The following ADI1 variants were observed in gnomAD, a reference collection of about 807,000 sequenced individuals.
The protein encoded by ADI1 is acireductone dioxygenase.
In ADI1, 21 loss-of-function variants were observed where a neutral mutation model predicts 18.7. That is an observed-to-expected ratio of 1.13 (90% CI 0.80 to 1.62). ADI1 has a LOEUF of 1.62. Ranked by LOEUF, ADI1 falls within the 40% of genes most tolerant of loss-of-function variation. ADI1 has a pLI of 0.00. For synonymous variants in ADI1, 90 were observed against 100.1 expected, an observed-to-expected ratio of 0.90 and a Z score of 0.60; for missense variants, 245 against 254.9, an observed-to-expected ratio of 0.96 and a Z score of 0.26.
chr2:3,519,196 C>T, intron 1 of ADI1, 172 bp downstream of exon 1: 2 of 1,013,392 alleles, frequency 2.0e-6, no homozygotes, highest in Non-Finnish European at 2.6e-6. Context: ...TGAGCATGCG[C>T]AGCCCACCCC....
In ADI1 at chr2:3,500,762, G is replaced by A. The variant is rs111598797; in HGVS notation, c.420+52C>T. 195 of 1,610,538 alleles carry A rather than the reference G, an allele frequency of 1.2e-4. No homozygotes were observed. The African/African-American group carries it at 2.0e-3, about 17-fold the overall frequency. On this transcript the variant is annotated intron_variant, in intron 3 of 3. Coordinates refer to ENST00000327435, the MANE Select transcript of ADI1 (RefSeq NM_018269.4). ...CGCAGTTCAGCGGCAGAGATGCCACGGCCAGGGCCACCACACAGGCCGGGC... is the reference window on the plus strand; with the variant it reads ...CGCAGTTCAGCGGCAGAGATGCCACAGCCAGGGCCACCACACAGGCCGGGC...
At chr2:3,508,014 C>G (rs1430055048) in intron 2 of ADI1, among the ~76,000 whole-genome samples, 9 of 151,478 alleles carry the variant, frequency 5.9e-5, no homozygotes, top group Non-Finnish European at 8.8e-5. Flanking sequence ...TAAAACCAGA[C>G]AAGGCAGAAA....
At chr2:3,503,193 A>G (rs1667065996) in intron 2 of ADI1, among the ~76,000 whole-genome samples, 3 of 150,764 alleles carry the variant, frequency 2.0e-5, no homozygotes, top group African/African-American at 7.4e-5. Context: ...ATGCACACAT[A>G]CATGCATGCA....
intron 2 of ADI1, among the ~76,000 whole-genome samples, chr2:3,507,691 C>G (rs2103208042): frequency 6.6e-6 from 1 of 152,294 alleles, no homozygotes; most frequent in South Asian, 2.1e-4. Context: ...TTATATAGGT[C>G]TGAATCTCAG....
rs1474302831 is a variant in ADI1 at position 3,500,991 on chromosome 2, A to C, written c.243T>G (p.Ile81Met). The C allele has an allele frequency of 5.6e-6, 9 of 1,598,878 alleles. No individual in the cohort carries two copies. The highest frequency in any genetic ancestry group is 7.7e-6 in the Non-Finnish European group (9 of 1,171,418). Reference protein sequence around the residue: ...KDKLPNYEEKIKMFYEEHLHL... With the variant: ...KDKLPNYEEKMKMFYEEHLHL... ...GCAAATGCTCCTCGTAGAACATCTTAATCTAGTGCAGAAGGAACATTCCTG... is the reference window on the plus strand; with the variant it reads ...GCAAATGCTCCTCGTAGAACATCTTCATCTAGTGCAGAAGGAACATTCCTG... Residue 81 changes from isoleucine (I) to methionine (M), a missense_variant and splice_region_variant, in exon 3 of 4, where the codon ATT becomes ATG. Ile to Met is a conservative substitution (Grantham distance 10). Coordinates refer to ENST00000327435, the MANE Select transcript of ADI1 (RefSeq NM_018269.4).
At chr2:3,506,287 T>C (rs1031624454) in intron 2 of ADI1, among the ~76,000 whole-genome samples, 2 of 152,200 alleles carry the variant, frequency 1.3e-5, no homozygotes, top group Admixed American at 6.5e-5. Flanking sequence ...TATCACTGTC[T>C]AGGTAGGAAA....
Position 3,513,877 on chromosome 2 carries a change from G to C in ADI1, c.220C>G (p.Leu74Val). Residue 74 changes from leucine (L) to valine (V), a missense_variant, in exon 2 of 4, where the codon CTA (leucine) becomes GTA (valine). By Grantham distance (32) the Leu-to-Val change is conservative (BLOSUM62 1). Coordinates refer to ENST00000327435, the MANE Select transcript of ADI1 (RefSeq NM_018269.4). ...MDIITICKDK[L>V]PNYEEKIKMF... ...CTTACCTTTTCTTCATAATTTGGTA[G>C]TTTATCTTTGCATATGGTTATGATG... is the stretch of plus-strand genomic sequence containing the variant. 6.2e-7 allele frequency: 1 copy of C among 1,604,820 alleles called. No individual in the cohort carries two copies. The highest frequency in any genetic ancestry group is 1.1e-5 in the South Asian group (1 of 88,226).
chr2:3,519,420 CCGGGGT>C lies in ADI1; in HGVS notation c.62_67del (p.Asp21_Pro22del). The C allele has an allele frequency of 7.2e-7, 1 of 1,383,474 alleles. No individual in the cohort carries two copies. Among genetic ancestry groups the C allele is most frequent in the Non-Finnish European group, 9.3e-7 (1 of 1,075,832 alleles). 85.7% of individuals were successfully genotyped at this position (1,383,474 alleles called of 1,614,324 possible). A position where few individuals can be genotyped will look rare whatever the true frequency, so the allele number is the denominator to read the frequency against. ...CAGCTGCTCCAGGCCCACTGGGCGG[CCGGGGT>C]CGGGGCGGTGGGGTTGCCGCGGGTC... On this transcript the variant is annotated inframe_deletion, in exon 1 of 4. Coordinates refer to ENST00000327435, the MANE Select transcript of ADI1 (RefSeq NM_018269.4).
intron 1 of ADI1, among the ~76,000 whole-genome samples, chr2:3,518,090 G>A (rs949230586): frequency 6.6e-6 from 1 of 152,140 alleles, no homozygotes; most frequent in Non-Finnish European, 1.5e-5. Context: ...TCTCATTAAT[G>A]GAAAACTATA....
At chr2:3,508,203 C>T (rs1427557684) in intron 2 of ADI1, among the ~76,000 whole-genome samples, 1 of 151,648 alleles carries the variant, frequency 6.6e-6, no homozygotes, top group Non-Finnish European at 1.5e-5. Context: ...GGCGTGGTGG[C>T]AGGTGCCTGT....
At chr2:3,517,292 C>G (rs937868786) in intron 1 of ADI1, 2 of 152,168 alleles carry the variant, frequency 1.3e-5, no homozygotes, top group African/African-American at 2.4e-5. Flanking sequence ...ACCTATTGTT[C>G]TGTTTCTTTG....
At chr2:3,517,225 TA>T (rs1667429033) in intron 1 of ADI1, 1 of 152,270 alleles carries the variant, frequency 6.6e-6, no homozygotes, top group African/African-American at 2.4e-5. Flanking sequence ...GCTTCTGCTT[TA>T]ACCCTTAGGA....
At chr2:3,505,868 C>A (rs1667164771) in intron 2 of ADI1, among the ~76,000 whole-genome samples, 1 of 152,114 alleles carries the variant, frequency 6.6e-6, no homozygotes, top group African/African-American at 2.4e-5. Context: ...TATAAAAGTC[C>A]CAAAAGAGCT....
Position 3,499,046 on chromosome 2 carries a change from G to A in ADI1, c.457C>T (p.Pro153Ser). 1 of 1,614,080 alleles carries A rather than the reference G, an allele frequency of 6.2e-7. No individual in the cohort carries two copies. The highest frequency in any genetic ancestry group is 8.5e-7 in the Non-Finnish European group (1 of 1,179,930). The part of the protein sequence containing the change: ...TKAMRLFVGE[P>S]VWTAYNRPAD... ...GGCCGGTTGTACGCTGTCCACACCG[G>A]TTCTCCCACAAACAGCCGCATGGCC... Residue 153 changes from proline to serine, a missense_variant, in exon 4 of 4, where the codon CCG becomes TCG. Pro to Ser is a moderately conservative substitution (Grantham distance 74). Transcript: ENST00000327435.
At chr2:3,514,017 C>T in intron 1 of ADI1, 41 bp from the exon 2 acceptor site, 1 of 1,560,014 alleles carries the variant, frequency 6.4e-7, no homozygotes, top group East Asian at 2.3e-5. Flanking sequence ...CTCAGATTAA[C>T]AAGGAGATGT....
intron 1 of ADI1, 173 bp downstream of exon 1, chr2:3,519,195 G>T: frequency 1.0e-6 from 1 of 997,212 alleles, no homozygotes; most frequent in Non-Finnish European, 1.3e-6. Context: ...CTGAGCATGC[G>T]CAGCCCACCC....
intron 1 of ADI1, among the ~76,000 whole-genome samples, chr2:3,519,047 C>G (rs1440822760): frequency 6.6e-6 from 1 of 151,948 alleles, no homozygotes; most frequent in African/African-American, 2.4e-5. Context: ...CGACCGCCAA[C>G]CCCGTAAACT....
chr2:3,516,787 C>T (rs1667418783), intron 1 of ADI1: 5 of 985,388 alleles, frequency 5.1e-6, no homozygotes, highest in Non-Finnish European at 6.0e-6. Flanking sequence ...TTTTTTAGAA[C>T]TCTATGTCAC....
At chr2:3,502,968 T>C (rs906823221) in intron 2 of ADI1, among the ~76,000 whole-genome samples, 6 of 152,052 alleles carry the variant, frequency 3.9e-5, no homozygotes, top group African/African-American at 1.4e-4. Context: ...AGAGGAAAGA[T>C]ACAAATACTG....
Sources: allele counts gnomAD v4.1 joint callset (sites outside exome capture counted in the v4.1 genomes callset), GRCh38; gene constraint gnomAD v4.1.1; transcripts MANE v1.5; gene names NCBI Gene and HGNC (gene_info 2026-07-23, HGNC 2026-07-21).